The following HIVEP3 variants were observed in gnomAD, a reference collection of about 807,000 sequenced individuals.
HIVEP3 encodes the protein HIVEP zinc finger 3.
Under a neutral mutation model 152.8 loss-of-function variants are expected in HIVEP3, and 49 were observed. The observed-to-expected ratio is 0.32, with a 90% CI of 0.26 to 0.41. The LOEUF is 0.41. Ranked by LOEUF, HIVEP3 falls within the 10% of genes least tolerant of loss-of-function variation. The probability of loss-of-function intolerance (pLI) is 1.00; values close to 1 mark genes in which losing one functional copy is unlikely to be tolerated. For synonymous variants in HIVEP3, 1,269 were observed against 1,289.0 expected, an observed-to-expected ratio of 0.98 and a Z score of 0.33; for missense variants, 2,790 against 3,103.3, an observed-to-expected ratio of 0.90 and a Z score of 2.40.
At chr1:41,753,180 A>G (rs1647192409) in intron 1 of HIVEP3, among the ~76,000 whole-genome samples, 1 of 152,090 alleles carries the variant, frequency 6.6e-6, no homozygotes, top group South Asian at 2.1e-4. Context: ...ACACAGTCAC[A>G]CATTTCTGGT....
chr1:41,858,391 TG>T (rs1439160616), intron 1 of HIVEP3, among the ~76,000 whole-genome samples: 2 of 152,186 alleles, frequency 1.3e-5, no homozygotes, highest in African/African-American at 2.4e-5. Context: ...TTCACAAAAA[TG>T]GGAAAAAGGA....
chr1:41,627,880 ATCCCTCCC>A (rs765316471), intron 3 of HIVEP3, among the ~76,000 whole-genome samples: 139 of 150,460 alleles, frequency 9.2e-4, no homozygotes, highest in Non-Finnish European at 1.1e-3. Flanking sequence ...CCCTCCGTCC[ATCCCTCCC>A]TCCCTCCCTT....
At chr1:41,531,511 GATA>G (rs1643253367) in intron 5 of HIVEP3, among the ~76,000 whole-genome samples, 1 of 94,038 alleles carries the variant, frequency 1.1e-5, no homozygotes, top group Non-Finnish European at 2.2e-5. Flanking sequence ...AGACAGGGGC[GATA>G]GAGGACAGGA....
At position 41,536,020 on chromosome 1, in the gene HIVEP3, A is replaced by G. The variant is rs137984065; in HGVS notation, c.5208-11110T>C. Among the ~76,000 whole-genome samples, 20 of 152,244 alleles carry G rather than the reference A, an allele frequency of 1.3e-4. No homozygotes were observed. The East Asian group carries it at 2.1e-3, about 16-fold the overall frequency. On this transcript the variant is annotated intron_variant, in intron 5 of 8. Coordinates refer to ENST00000372583, the MANE Select transcript of HIVEP3 (RefSeq NM_024503.5). ...CAGACCCACAGCTTCTGCTAAGCAC[A>G]AAGGAACTCGGCACAGAGCCCCCAA...
intron 3 of HIVEP3, among the ~76,000 whole-genome samples, chr1:41,598,928 A>G (rs1388561605): frequency 1.3e-5 from 2 of 151,880 alleles, no homozygotes; most frequent in African/African-American, 4.8e-5. Context: ...TGATTCTCCC[A>G]CCTCAGCCTC....
chr1:41,842,272 TCCAAATTAAA>T (rs1434787372), intron 1 of HIVEP3, among the ~76,000 whole-genome samples: 1 of 151,816 alleles, frequency 6.6e-6, no homozygotes, highest in East Asian at 1.9e-4. Context: ...TCTAAAACTA[TCCAAATTAAA>T]CCCTTCAGAA....
At chr1:41,545,648 C>T (rs1255898000) in intron 5 of HIVEP3, among the ~76,000 whole-genome samples, 1 of 137,936 alleles carries the variant, frequency 7.2e-6, no homozygotes, top group Non-Finnish European at 1.5e-5. Flanking sequence ...CCACCATCAC[C>T]ACCACTACCA....
chr1:41,754,814 T>A (rs552229224), intron 1 of HIVEP3, among the ~76,000 whole-genome samples: 2 of 152,266 alleles, frequency 1.3e-5, no homozygotes, highest in Admixed American at 1.3e-4. Context: ...TGTGAATAAT[T>A]TTTCAGTTAT....
chr1:41,779,818 A>T (rs1037943695), intron 1 of HIVEP3, among the ~76,000 whole-genome samples: 6 of 152,186 alleles, frequency 3.9e-5, no homozygotes, highest in African/African-American at 1.4e-4. Flanking sequence ...CTTACCAGGA[A>T]GGGTGACCAG....
chr1:41,733,955 C>T (rs1181446026), intron 1 of HIVEP3, among the ~76,000 whole-genome samples: 1 of 152,186 alleles, frequency 6.6e-6, no homozygotes, highest in Non-Finnish European at 1.5e-5. Context: ...TCCCCGCCCT[C>T]TCCCCCAGCA....
At chr1:41,820,113 T>G (rs1642546595) in intron 1 of HIVEP3, among the ~76,000 whole-genome samples, 1 of 152,190 alleles carries the variant, frequency 6.6e-6, no homozygotes, top group Non-Finnish European at 1.5e-5. Context: ...CTTGTGTTGA[T>G]AAAATATTCC....
intron 1 of HIVEP3, among the ~76,000 whole-genome samples, chr1:41,715,707 C>T (rs1646582585): frequency 6.6e-6 from 1 of 152,230 alleles, no homozygotes; most frequent in South Asian, 2.1e-4. Context: ...AAGCCAGGCC[C>T]TCAGCATCTT....
At chr1:41,928,095 T>C (rs1242108692) in intron 1 of HIVEP3, among the ~76,000 whole-genome samples, 6 of 146,606 alleles carry the variant, frequency 4.1e-5, no homozygotes, top group Admixed American at 4.1e-4. Flanking sequence ...TGTAAAAGCA[T>C]GTATTGCTTT....
At chr1:41,708,533 T>A (rs1035405623) in intron 1 of HIVEP3, among the ~76,000 whole-genome samples, 1 of 152,206 alleles carries the variant, frequency 6.6e-6, no homozygotes, top group African/African-American at 2.4e-5. Context: ...TCTGTGGCCA[T>A]GACAAGACCA....
At chr1:41,982,408 C>T (rs1391887983) in intron 1 of HIVEP3, among the ~76,000 whole-genome samples, 2 of 152,310 alleles carry the variant, frequency 1.3e-5, no homozygotes, top group South Asian at 2.1e-4. Context: ...AATACATGAG[C>T]GCAGCCCTAC....
At chr1:41,960,270 T>C (rs1192390898) in intron 1 of HIVEP3, among the ~76,000 whole-genome samples, 4 of 152,188 alleles carry the variant, frequency 2.6e-5, no homozygotes, top group South Asian at 2.1e-4. Flanking sequence ...ATGGAGACGG[T>C]AGTTTGTCCC....
intron 1 of HIVEP3, among the ~76,000 whole-genome samples, chr1:41,798,873 A>C (rs1650137144): frequency 2.0e-5 from 3 of 152,224 alleles, no homozygotes; most frequent in African/African-American, 7.2e-5. Flanking sequence ...CTTCAAAATT[A>C]TTAAAGTGCT....
intron 1 of HIVEP3, among the ~76,000 whole-genome samples, chr1:41,878,782 A>C (rs1570723487): frequency 1.9e-5 from 2 of 104,362 alleles, no homozygotes; most frequent in East Asian, 2.8e-4. Context: ...CTCTCTTCCT[A>C]ACTCCCTACC....
chr1:41,527,417 C>A lies in HIVEP3; in HGVS notation c.5208-2507G>T, dbSNP rs565885454. On this transcript the variant is annotated intron_variant, in intron 5 of 8. Coordinates refer to ENST00000372583, the MANE Select transcript of HIVEP3 (RefSeq NM_024503.5). The stretch of plus-strand genomic sequence containing the variant: ...ACTCCACACCCTGCCCTCACACTCA[C>A]CTTCACTCACACTCCACACCCCACC... 4.8e-5 allele frequency among the ~76,000 whole-genome samples: 7 copies of A among 145,472 alleles called. No individual in the cohort carries two copies. The South Asian group carries it at 1.6e-3, about 33-fold the overall frequency.
Sources: allele counts gnomAD v4.1 joint callset (sites outside exome capture counted in the v4.1 genomes callset), GRCh38; gene constraint gnomAD v4.1.1; transcripts MANE v1.5; gene names NCBI Gene and HGNC (gene_info 2026-07-23, HGNC 2026-07-21).